MRTFB: variants seen among roughly 807,000 people sequenced by gnomAD.
MRTFB encodes myocardin-related transcription factor B.
Under a neutral mutation model 104.2 loss-of-function variants are expected in MRTFB, and 29 were observed. That is an observed-to-expected ratio of 0.28 (90% CI 0.21 to 0.38). MRTFB has a LOEUF of 0.38. MRTFB is among the 10% of genes least tolerant of loss of function. MRTFB has a pLI of 1.00. For missense variants in MRTFB, 1,270 were observed against 1,341.6 expected (o/e 0.95, Z 0.83); for synonymous variants, 535 against 519.5 (o/e 1.03, Z -0.41).
At chr16:14,074,436 T>C (rs184236647) in intron 1 of MRTFB, among the ~76,000 whole-genome samples, 28 of 152,314 alleles carry the variant, frequency 1.8e-4, no homozygotes, top group African/African-American at 6.5e-4. Flanking sequence ...AAGTTCATGC[T>C]TTTATGAAGT....
rs143021980 is a variant in MRTFB at position 14,086,602 on chromosome 16, T to C, written c.-64+7248T>C. 1.4e-4 allele frequency among the ~76,000 whole-genome samples: 21 copies of C among 152,316 alleles called. No homozygotes were observed. In the East Asian group the frequency reaches 4.0e-3, roughly 29 times the overall value. On this transcript the variant is annotated intron_variant, in intron 2 of 16. Coordinates refer to ENST00000571589, the MANE Select transcript of MRTFB (RefSeq NM_001308142.2). ...TTTTGTGGCTGATGGTATAATCTTG[T>C]ATTTGTTTTCTAAAATAACCAAATT...
intron 2 of MRTFB, among the ~76,000 whole-genome samples, chr16:14,130,753 G>A (rs546250125): frequency 6.6e-6 from 1 of 152,274 alleles, no homozygotes; most frequent in African/African-American, 2.4e-5. Context: ...AATTTATAAA[G>A]GAAAGAGCAT....
intron 2 of MRTFB, among the ~76,000 whole-genome samples, chr16:14,112,599 G>T (rs2036330462): frequency 6.6e-6 from 1 of 152,238 alleles, no homozygotes. Flanking sequence ...ACCACAGTCT[G>T]TTCTTCACAT....
intron 2 of MRTFB, among the ~76,000 whole-genome samples, chr16:14,088,409 G>A (rs2034853909): frequency 6.6e-6 from 1 of 152,194 alleles, no homozygotes; most frequent in Non-Finnish European, 1.5e-5. Flanking sequence ...ACTGTGACTT[G>A]AATACGGATC....
At chr16:13,998,945 C>A in the MRTFB span, among the ~76,000 whole-genome samples, 3 of 132,014 alleles carry the variant, frequency 2.3e-5, no homozygotes, top group Non-Finnish European at 4.7e-5. Flanking sequence ...ATAGTCCTAG[C>A]ACTTTGGGAG....
chr16:14,063,464 A>G, the MRTFB span, among the ~76,000 whole-genome samples: 1 of 152,182 alleles, frequency 6.6e-6, no homozygotes, highest in South Asian at 2.1e-4. Flanking sequence ...GGTAATCAGC[A>G]TGGTATCCAA....
chr16:14,069,774 G>C (rs1228720169), upstream of MRTFB, among the ~76,000 whole-genome samples: 3 of 152,198 alleles, frequency 2.0e-5, no homozygotes, highest in African/African-American at 7.2e-5. Flanking sequence ...GAGCAACCTT[G>C]CCCAGCCTAC....
intron 1 of MRTFB, among the ~76,000 whole-genome samples, chr16:14,077,509 T>A (rs1162745026): frequency 8.1e-6 from 1 of 123,978 alleles, no homozygotes; most frequent in Non-Finnish European, 1.7e-5. Context: ...TAGTTTCCCC[T>A]TGTTGCTTTT....
rs191371305 is a variant in MRTFB, at chr16:14,160,223, C to T, written c.154+19463C>T. The stretch of plus-strand genomic sequence containing the variant: ...TGTCTTATTTAGCATTGCAGAGTTC[C>T]TCACCTTTAAAAATTTTTTTTCATG... On this transcript the variant is annotated intron_variant, in intron 3 of 16. Coordinates refer to ENST00000571589, the MANE Select transcript of MRTFB (RefSeq NM_001308142.2). Among the ~76,000 whole-genome samples, 514 of 152,112 alleles carry T rather than the reference C, an allele frequency of 3.4e-3. 1 individual carries two copies. Among genetic ancestry groups the T allele is most frequent in the Non-Finnish European group, 6.1e-3 (418 of 67,992 alleles).
intron 3 of MRTFB, chr16:14,141,588 A>C (rs2037999033): frequency 6.6e-6 from 1 of 152,148 alleles, no homozygotes; most frequent in Non-Finnish European, 1.5e-5. Context: ...AAGAAATAAA[A>C]CTGCTTTCCC....
the MRTFB span, among the ~76,000 whole-genome samples, chr16:14,040,382 A>G: frequency 1.3e-5 from 2 of 152,202 alleles, no homozygotes; most frequent in Admixed American, 6.5e-5. Flanking sequence ...AGATGGGGCC[A>G]GTTGCCCTTT....
chr16:14,092,285 A>C (rs1206493364), intron 2 of MRTFB, among the ~76,000 whole-genome samples: 1 of 152,140 alleles, frequency 6.6e-6, no homozygotes, highest in African/African-American at 2.4e-5. Flanking sequence ...TACTTGGCGC[A>C]TAGTGGGTGT....
chr16:14,122,372 T>C (rs2036895184), intron 2 of MRTFB, among the ~76,000 whole-genome samples: 1 of 152,000 alleles, frequency 6.6e-6, no homozygotes, highest in African/African-American at 2.4e-5. Flanking sequence ...GCCATGGTGG[T>C]TTGCTGCACC....
At chr16:14,194,333 G>A (rs1040576230) in intron 3 of MRTFB, among the ~76,000 whole-genome samples, 1 of 152,182 alleles carries the variant, frequency 6.6e-6, no homozygotes, top group African/African-American at 2.4e-5. Context: ...CCTTCTTGCT[G>A]TGCATGCACA....
At chr16:14,023,784 C>T in the MRTFB span, among the ~76,000 whole-genome samples, 1 of 152,110 alleles carries the variant, frequency 6.6e-6, no homozygotes, top group Non-Finnish European at 1.5e-5. Context: ...GGCGTGGTTG[C>T]TCACGCCTGT....
Position 14,133,342 on chromosome 16 carries a change from C to T in MRTFB, c.-63-7202C>T, listed in dbSNP as rs577054932. Among the ~76,000 whole-genome samples, 7 of 152,310 alleles carry T rather than the reference C, an allele frequency of 4.6e-5. No individual in the cohort carries two copies. The East Asian group carries it at 7.7e-4, about 17-fold the overall frequency. On this transcript the variant is annotated intron_variant, in intron 2 of 16. Transcript: ENST00000571589. ...TAAACTTAGTTTTTCAGTTTACCAACGAACTGGCATGATTCGTCAGGATTT... is the reference window on the plus strand; with the variant it reads ...TAAACTTAGTTTTTCAGTTTACCAATGAACTGGCATGATTCGTCAGGATTT...
chr16:14,024,360 G>T, the MRTFB span, among the ~76,000 whole-genome samples: 1 of 152,204 alleles, frequency 6.6e-6, no homozygotes, highest in African/African-American at 2.4e-5. Flanking sequence ...TTTGGACACT[G>T]TATTTCCTAC....
At chr16:14,091,241 T>G (rs1432253084) in intron 2 of MRTFB, among the ~76,000 whole-genome samples, 3 of 152,146 alleles carry the variant, frequency 2.0e-5, no homozygotes, top group Admixed American at 2.0e-4. Context: ...CTGGAAATGT[T>G]TAGGAGGTAC....
At chr16:14,012,213 ATTTTCT>A in the MRTFB span, among the ~76,000 whole-genome samples, 1 of 141,150 alleles carries the variant, frequency 7.1e-6, no homozygotes, top group African/African-American at 2.8e-5. Context: ...CGACCTTGAC[ATTTTCT>A]TTTTCTTTTT....
Sources: gnomAD v4.1 joint callset for allele counts (sites outside exome capture counted in the v4.1 genomes callset) on GRCh38, gnomAD v4.1.1 for gene constraint, MANE v1.5 for transcripts, NCBI Gene and HGNC (gene_info 2026-07-23, HGNC 2026-07-21) for gene names.